The following DNAAF10 variants were observed in gnomAD, a reference collection of about 807,000 sequenced individuals.
DNAAF10 encodes WD repeat domain 92.
A neutral mutation model predicts 43.7 loss-of-function variants in DNAAF10; 28 were observed. The ratio of observed to expected loss-of-function variants is 0.64; its 90% CI spans 0.48 to 0.88. DNAAF10 has a LOEUF of 0.88. Among genes scored for constraint, DNAAF10 ranks in the 40% least tolerant of loss-of-function variants. The probability of loss-of-function intolerance (pLI) is 0.00; values close to 1 mark genes in which losing one functional copy is unlikely to be tolerated. For synonymous variants in DNAAF10, 156 were observed against 157.3 expected, an observed-to-expected ratio of 0.99 and a Z score of 0.06; for missense variants, 403 against 439.1, an observed-to-expected ratio of 0.92 and a Z score of 0.73.
At chr2:68,143,481 T>A (rs963117677) in intron 3 of DNAAF10, among the ~76,000 whole-genome samples, 1 of 152,100 alleles carries the variant, frequency 6.6e-6, no homozygotes, top group Admixed American at 6.6e-5. Context: ...CCTGGCCCAA[T>A]AAATTTTTTA....
chr2:68,134,458 T>G, intron 7 of DNAAF10: 2 of 1,276,454 alleles, frequency 1.6e-6, no homozygotes, highest in Non-Finnish European at 2.0e-6. Flanking sequence ...TTTTTCATAC[T>G]TAGAAGACAC....
At chr2:68,154,115 T>C (rs1158841676) in intron 1 of DNAAF10, among the ~76,000 whole-genome samples, 3 of 152,170 alleles carry the variant, frequency 2.0e-5, no homozygotes, top group East Asian at 3.8e-4. Context: ...GTAGGCTCTT[T>C]AGGAGAAAGG....
At chr2:68,149,681 G>A (rs1000663193) in intron 1 of DNAAF10, among the ~76,000 whole-genome samples, 2 of 152,124 alleles carry the variant, frequency 1.3e-5, no homozygotes, top group African/African-American at 4.8e-5. Context: ...ATTAACAGTG[G>A]TAAAGCACTT....
rs1193550521 is a variant in DNAAF10, at chr2:68,157,123, C to T, written c.183+138G>A. ...TAAATAGGAAACATTCCTCAGTCGG[C>T]GGTCAGCTTCTCTGGTCTCGCGCGG... On this transcript the variant is annotated intron_variant, in intron 1 of 7. Coordinates refer to ENST00000295121, the MANE Select transcript of DNAAF10 (RefSeq NM_138458.4). 6.0e-6 allele frequency: 7 copies of T among 1,157,240 alleles called. No individual in the cohort carries two copies. In the African/African-American group the frequency reaches 1.1e-4, roughly 18 times the overall value. The allele number at this position is 1,157,240 out of a possible 1,614,324, so 71.7% of individuals were successfully genotyped here. A position where few individuals can be genotyped will look rare whatever the true frequency, so the allele number is the denominator to read the frequency against.
intron 7 of DNAAF10, among the ~76,000 whole-genome samples, chr2:68,133,876 A>G (rs1317835243): frequency 9.2e-5 from 14 of 152,224 alleles, no homozygotes; most frequent in Non-Finnish European, 1.3e-4. Flanking sequence ...CAAAGGAGCT[A>G]ATAGAGAAGA....
Position 68,147,517 on chromosome 2 carries a change from T to C in DNAAF10, c.234A>G (p.Leu78=). ...CTCCAGTAGCTAAATATCTCTGCTG[T>C]AAAGATGTTGCACCAAATGTTCCAC... ...IKCGTFGATS[L]QQRYLATGDF... is the part of the protein sequence containing the mutation. The change falls in exon 2 of 8, where the codon TTA becomes TTG. Residue 78 remains leucine (L), a synonymous_variant. Coordinates refer to ENST00000295121, the MANE Select transcript of DNAAF10 (RefSeq NM_138458.4). 1 of 1,612,096 alleles carries C rather than the reference T, an allele frequency of 6.2e-7. No homozygotes were observed. The highest frequency in any genetic ancestry group is 8.5e-7 in the Non-Finnish European group (1 of 1,179,146).
At chr2:68,138,002 G>A (rs894670660) in intron 5 of DNAAF10, among the ~76,000 whole-genome samples, 1 of 148,950 alleles carries the variant, frequency 6.7e-6, no homozygotes, top group African/African-American at 2.5e-5. Context: ...ATGAAACCCC[G>A]TCTCTACTAA....
intron 7 of DNAAF10, chr2:68,131,706 T>G: frequency 1.0e-5 from 4 of 386,242 alleles, no homozygotes; most frequent in Non-Finnish European, 9.6e-6. Flanking sequence ...TATCTGTATT[T>G]TCTCTTTTAA....
rs143374489 is a variant in DNAAF10, at chr2:68,148,302, G to A, written c.184-735C>T. Among the ~76,000 whole-genome samples the A allele has an allele frequency of 9.6e-4, 146 of 152,168 alleles. 1 individual carries two copies. The highest frequency in any genetic ancestry group is 3.1e-3 in the African/African-American group (128 of 41,514). ...AAGCATAGGGCTGTACAGATTTGCC[G>A]AACTCATACAACATTCAACATTTAA... On this transcript the variant is annotated intron_variant, in intron 1 of 7. Coordinates refer to ENST00000295121, the MANE Select transcript of DNAAF10 (RefSeq NM_138458.4).
intron 7 of DNAAF10, among the ~76,000 whole-genome samples, chr2:68,133,118 G>A (rs894831515): frequency 6.6e-6 from 1 of 152,174 alleles, no homozygotes. Flanking sequence ...AACAGGCAGA[G>A]GTGCTAGAAG....
rs7563609 is a variant in DNAAF10 at position 68,130,115 on chromosome 2, G to C, written c.*1123C>G. ...CAACCGTGCCGTTTTGAGAGAGAGA[G>C]ATATATATATATATATTTGTTTTTT... On this transcript the variant is annotated 3_prime_UTR_variant, in exon 8 of 8. Coordinates refer to ENST00000295121, the MANE Select transcript of DNAAF10 (RefSeq NM_138458.4). The C allele has an allele frequency of 7.5e-6, 1 of 132,948 alleles. No homozygotes were observed. The highest frequency in any genetic ancestry group is 2.9e-5 in the African/African-American group (1 of 34,264). The allele number at this position is 132,948 out of a possible 1,614,324, so 8.2% of individuals were successfully genotyped here.
In DNAAF10 at chr2:68,130,333, T is replaced by C. The variant is rs192477254; in HGVS notation, c.*905A>G. 6.6e-6 allele frequency: 1 copy of C among 151,858 alleles called. No homozygotes were observed. The highest frequency in any genetic ancestry group is 1.5e-5 in the Non-Finnish European group (1 of 67,940). The allele number at this position is 151,858 out of a possible 1,614,324, so 9.4% of individuals were successfully genotyped here. ...TTTTAGTAGAGACGGGTTTTGACCA[T>C]GTTGGCCAGGCTGGTCTCGAATTCC... On this transcript the variant is annotated 3_prime_UTR_variant, in exon 8 of 8. Coordinates refer to ENST00000295121, the MANE Select transcript of DNAAF10 (RefSeq NM_138458.4).
chr2:68,144,945 C>T (rs560660322), intron 2 of DNAAF10, among the ~76,000 whole-genome samples: 18 of 152,144 alleles, frequency 1.2e-4, no homozygotes, highest in Non-Finnish European at 2.1e-4. Context: ...ATCCTGAGCT[C>T]ACCATACTTA....
At chr2:68,136,669 T>C (rs145594730) in intron 6 of DNAAF10, among the ~76,000 whole-genome samples, 108 of 152,346 alleles carry the variant, frequency 7.1e-4, no homozygotes, top group African/African-American at 2.3e-3. Flanking sequence ...GACAGGACCT[T>C]TCTGCATGAA....
rs1354664113 is a variant in DNAAF10 at position 68,157,354 on chromosome 2, G to T, written c.90C>A (p.Ser30Arg). Residue 30 changes from serine (S) to arginine (R), a missense_variant, in exon 1 of 8, where the codon AGC becomes AGA. Ser to Arg is a moderately radical substitution (Grantham distance 110). Coordinates refer to ENST00000295121, the MANE Select transcript of DNAAF10 (RefSeq NM_138458.4). ...TVFDCKWVPC[S>R]AKFVTMGNFA... ...AGTTGCCCATGGTCACAAATTTGGC[G>T]CTGCAGGGCACCCACTTACAGTCAA... 1 of 1,614,166 alleles carries T rather than the reference G, an allele frequency of 6.2e-7. No homozygotes were observed. The highest frequency in any genetic ancestry group is 1.7e-5 in the Admixed American group (1 of 60,024).
intron 1 of DNAAF10, among the ~76,000 whole-genome samples, chr2:68,148,920 T>A (rs1240791259): frequency 2.0e-5 from 3 of 152,220 alleles, no homozygotes; most frequent in Non-Finnish European, 2.9e-5. Flanking sequence ...TTTGTTTCAA[T>A]ACAAGGCAGA....
At chr2:68,149,140 A>G (rs1486573378) in intron 1 of DNAAF10, among the ~76,000 whole-genome samples, 1 of 152,238 alleles carries the variant, frequency 6.6e-6, no homozygotes, top group East Asian at 1.9e-4. Flanking sequence ...TATAGGGTAT[A>G]TTATCCATAT....
At chr2:68,145,949 A>G (rs1368778353) in intron 2 of DNAAF10, among the ~76,000 whole-genome samples, 1 of 152,232 alleles carries the variant, frequency 6.6e-6, no homozygotes, top group Non-Finnish European at 1.5e-5. Flanking sequence ...GCCAAGATTT[A>G]TTAGTAAAAC....
At position 68,157,362 on chromosome 2, in the gene DNAAF10, G is replaced by C; in HGVS notation, c.82C>G (p.Pro28Ala). Residue 28 changes from proline to alanine, a missense_variant, in exon 1 of 8, where the codon CCC (proline) becomes GCC (alanine). By Grantham distance (27) the Pro-to-Ala change is conservative. Coordinates refer to ENST00000295121, the MANE Select transcript of DNAAF10 (RefSeq NM_138458.4). Reference protein sequence around the residue: ...NYTVFDCKWVPCSAKFVTMGN... With the variant: ...NYTVFDCKWVACSAKFVTMGN... ...ATGGTCACAAATTTGGCGCTGCAGGGCACCCACTTACAGTCAAACACCGTG... is the reference window on the plus strand; with the variant it reads ...ATGGTCACAAATTTGGCGCTGCAGGCCACCCACTTACAGTCAAACACCGTG... 6.2e-7 allele frequency: 1 copy of C among 1,614,172 alleles called. No individual in the cohort carries two copies. Among genetic ancestry groups the C allele is most frequent in the Non-Finnish European group, 8.5e-7 (1 of 1,180,020 alleles).
Sources: allele counts gnomAD v4.1 joint callset (sites outside exome capture counted in the v4.1 genomes callset), GRCh38; gene constraint gnomAD v4.1.1; transcripts MANE v1.5; gene names NCBI Gene and HGNC (gene_info 2026-07-23, HGNC 2026-07-21).